The following GRIK1 variants were observed in gnomAD, a reference collection of about 807,000 sequenced individuals.
GRIK1 encodes the protein glutamate ionotropic receptor kainate type subunit 1.
A neutral mutation model predicts 105.7 loss-of-function variants in GRIK1; 69 were observed. The observed-to-expected ratio is 0.65, with a 90% CI of 0.54 to 0.80. The LOEUF is 0.80. GRIK1 is among the 30% of genes least tolerant of loss of function. GRIK1 has a pLI of 0.00. For missense variants in GRIK1, 1,109 were observed against 1,167.3 expected (o/e 0.95, Z 0.73); for synonymous variants, 438 against 431.3 (o/e 1.02, Z -0.19).
chr21:29,563,133 G>T (rs549572022), intron 14 of GRIK1, among the ~76,000 whole-genome samples: 219 of 152,114 alleles, frequency 1.4e-3, no homozygotes, highest in African/African-American at 5.0e-3. Context: ...TATAGTGCTC[G>T]CACACATTAG....
intron 1 of GRIK1, among the ~76,000 whole-genome samples, chr21:29,731,291 C>T (rs1349024084): frequency 6.6e-6 from 1 of 152,140 alleles, no homozygotes; most frequent in African/African-American, 2.4e-5. Context: ...TTTTGGCCCT[C>T]CAGAAAATTG....
intron 1 of GRIK1, among the ~76,000 whole-genome samples, chr21:29,882,023 G>C (rs1387722910): frequency 6.6e-6 from 1 of 152,082 alleles, no homozygotes; most frequent in Non-Finnish European, 1.5e-5. Context: ...ACAGAAAGGA[G>C]AACAGATGGT....
At chr21:29,863,699 T>G (rs992859826) in intron 1 of GRIK1, among the ~76,000 whole-genome samples, 1 of 152,180 alleles carries the variant, frequency 6.6e-6, no homozygotes, top group Non-Finnish European at 1.5e-5. Flanking sequence ...CAGCCATGAG[T>G]ATTTTCATGA....
At chr21:29,617,914 A>G (rs1260137948) in intron 7 of GRIK1, among the ~76,000 whole-genome samples, 2 of 152,212 alleles carry the variant, frequency 1.3e-5, no homozygotes, top group Non-Finnish European at 1.5e-5. Context: ...TTATTGCTCC[A>G]TGCTCATTTG....
intron 7 of GRIK1, among the ~76,000 whole-genome samples, chr21:29,620,864 T>C (rs1274118999): frequency 3.4e-5 from 5 of 145,858 alleles, no homozygotes; most frequent in East Asian, 3.9e-4. Flanking sequence ...TATGTAGTTA[T>C]ATATATTATT....
intron 1 of GRIK1, among the ~76,000 whole-genome samples, chr21:29,785,642 T>C (rs374337878): frequency 6.6e-6 from 1 of 151,060 alleles, no homozygotes; most frequent in South Asian, 2.1e-4. Flanking sequence ...ATCATACACA[T>C]GGCAAAGCGC....
At chr21:29,913,612 G>A (rs1246276007) in intron 1 of GRIK1, among the ~76,000 whole-genome samples, 1 of 151,092 alleles carries the variant, frequency 6.6e-6, no homozygotes, top group Admixed American at 6.6e-5. Context: ...TAGAAAAGGT[G>A]AGATATATAG....
intron 1 of GRIK1, among the ~76,000 whole-genome samples, chr21:29,700,857 A>G (rs1157561474): frequency 6.6e-6 from 1 of 152,204 alleles, no homozygotes; most frequent in Non-Finnish European, 1.5e-5. Context: ...ACAATGTTTC[A>G]TTGTGGCAGA....
chr21:29,917,999 A>G lies in GRIK1; in HGVS notation c.118+21384T>C, dbSNP rs191509039. Among the ~76,000 whole-genome samples, 283 of 152,150 alleles carry G rather than the reference A, an allele frequency of 1.9e-3. 5 individuals carry two copies. Among genetic ancestry groups the G allele is most frequent in the Non-Finnish European group, 3.4e-4 (23 of 67,936 alleles). ...ATTTTTAATTCAAACTCTGCATTATATAGAGAAAGATGAACTAATAGATGA... is the reference window on the plus strand; with the variant it reads ...ATTTTTAATTCAAACTCTGCATTATGTAGAGAAAGATGAACTAATAGATGA... On this transcript the variant is annotated intron_variant, in intron 1 of 17. Transcript: ENST00000327783.
At chr21:29,846,251 C>CG (rs35123733) in intron 1 of GRIK1, among the ~76,000 whole-genome samples, 151,126 of 151,678 alleles carry the variant, frequency 1, 75,291 homozygotes, top group Middle Eastern at 1. Flanking sequence ...TAGCCGGGCG[C>CG]GTGGCGCATG....
rs1020801641 is a variant in GRIK1, at chr21:29,935,724, A to G, written c.118+3659T>C. 4.6e-5 allele frequency among the ~76,000 whole-genome samples: 7 copies of G among 152,340 alleles called. No homozygotes were observed. The East Asian group carries it at 1.3e-3, about 29-fold the overall frequency. ...CTATTTATGTGATGTACTTAACTAC[A>G]TAATAGTACCATATTTATTTGGTGG... On this transcript the variant is annotated intron_variant, in intron 1 of 17. Coordinates refer to ENST00000327783, the MANE Select transcript of GRIK1 (RefSeq NM_001330994.2).
chr21:29,793,731 T>G (rs192106297), intron 1 of GRIK1, among the ~76,000 whole-genome samples: 342 of 152,320 alleles, frequency 2.2e-3, no homozygotes, highest in African/African-American at 7.8e-3. Flanking sequence ...TAGAATAAGT[T>G]TGAAAATCAT....
intron 3 of GRIK1, among the ~76,000 whole-genome samples, chr21:29,685,758 T>C (rs994168205): frequency 1.1e-4 from 16 of 152,202 alleles, no homozygotes; most frequent in African/African-American, 3.9e-4. Context: ...TGAAAAAGAC[T>C]GGAAAGTTCT....
chr21:29,887,715 G>C (rs913288595), intron 1 of GRIK1, among the ~76,000 whole-genome samples: 1 of 152,204 alleles, frequency 6.6e-6, no homozygotes, highest in Admixed American at 6.6e-5. Flanking sequence ...TCCTTCCTCA[G>C]TGTGTTGGCA....
In GRIK1 at chr21:29,537,046, C is replaced by G. The variant is rs1039311733; in HGVS notation, c.*184G>C. ...AGCATACAAATTTATTTTAAAAGAA[C>G]TGGTGTCACTTCCCAAGTCATATCT... is the stretch of plus-strand genomic sequence containing the variant. On this transcript the variant is annotated 3_prime_UTR_variant, in exon 18 of 18. Transcript: ENST00000327783. The G allele has an allele frequency of 1.6e-5, 6 of 382,918 alleles. No individual in the cohort carries two copies. Among genetic ancestry groups the G allele is most frequent in the African/African-American group, 1.0e-4 (5 of 48,010 alleles). 23.7% of individuals were successfully genotyped at this position (382,918 alleles called of 1,614,324 possible).
intron 1 of GRIK1, among the ~76,000 whole-genome samples, chr21:29,837,453 T>C (rs574760278): frequency 9.2e-5 from 14 of 152,230 alleles, no homozygotes; most frequent in Admixed American, 6.5e-5. Flanking sequence ...ATAATAAATA[T>C]GTGATTATAT....
intron 1 of GRIK1, among the ~76,000 whole-genome samples, chr21:29,920,745 C>T (rs532314127): frequency 6.6e-6 from 1 of 152,134 alleles, no homozygotes; most frequent in South Asian, 2.1e-4. Flanking sequence ...CATTTGCATA[C>T]ATGATTTTGT....
intron 13 of GRIK1, among the ~76,000 whole-genome samples, chr21:29,580,053 G>GTA (rs34751475): frequency 5.2e-5 from 7 of 134,930 alleles, no homozygotes; most frequent in African/African-American, 8.6e-5. Context: ...ATGTATATAT[G>GTA]TATATATATA....
At chr21:29,572,775 C>T (rs140261119) in intron 14 of GRIK1, among the ~76,000 whole-genome samples, 195 of 133,060 alleles carry the variant, frequency 1.5e-3, no homozygotes, top group Non-Finnish European at 2.1e-3. Flanking sequence ...TTTTTTTTTT[C>T]TTCTTCTTTT....
Sources: allele counts gnomAD v4.1 joint callset (sites outside exome capture counted in the v4.1 genomes callset), GRCh38; gene constraint gnomAD v4.1.1; transcripts MANE v1.5; gene names NCBI Gene and HGNC (gene_info 2026-07-23, HGNC 2026-07-21).